The following CCDC25 variants were observed in gnomAD, a reference collection of about 807,000 sequenced individuals.
The protein encoded by CCDC25 is coiled-coil domain containing 25.
In CCDC25, 16 loss-of-function variants were observed where a neutral mutation model predicts 35.3. The ratio of observed to expected loss-of-function variants is 0.45; its 90% CI spans 0.31 to 0.69. The LOEUF (loss-of-function observed/expected upper bound fraction) is 0.69. Among genes scored for constraint, CCDC25 ranks in the 30% least tolerant of loss-of-function variants. The pLI is 0.06. For synonymous variants in CCDC25, 79 were observed against 80.3 expected (o/e 0.98, Z 0.09); for missense variants, 179 against 250.7 (o/e 0.71, Z 1.93).
At chr8:27,745,072 T>C (rs747697138) in intron 7 of CCDC25, among the ~76,000 whole-genome samples, 2 of 152,152 alleles carry the variant, frequency 1.3e-5, no homozygotes, top group African/African-American at 2.4e-5. Context: ...GTGAGCTCAC[T>C]GCAGCCTCAG....
chr8:27,766,961 A>T (rs1804422529), intron 1 of CCDC25, among the ~76,000 whole-genome samples: 1 of 152,218 alleles, frequency 6.6e-6, no homozygotes, highest in Admixed American at 6.5e-5. Context: ...ATTTTTATAT[A>T]AGCACATACT....
At chr8:27,761,662 G>A (rs1368682042) in intron 3 of CCDC25, among the ~76,000 whole-genome samples, 1 of 152,144 alleles carries the variant, frequency 6.6e-6, no homozygotes, top group Non-Finnish European at 1.5e-5. Context: ...CAGAGTCAGT[G>A]GTGGAAGCTG....
At chr8:27,745,731 A>T (rs1803580941) in intron 7 of CCDC25, among the ~76,000 whole-genome samples, 1 of 152,268 alleles carries the variant, frequency 6.6e-6, no homozygotes, top group South Asian at 2.1e-4. Flanking sequence ...ACCGCGTTCC[A>T]TTCCCGGCAC....
At chr8:27,743,032 C>A (rs989062157) in intron 7 of CCDC25, among the ~76,000 whole-genome samples, 2 of 152,194 alleles carry the variant, frequency 1.3e-5, no homozygotes, top group Non-Finnish European at 2.9e-5. Flanking sequence ...CTTCCCCCTA[C>A]CAAACCAGTT....
chr8:27,757,772 G>C (rs1804065219), intron 3 of CCDC25, among the ~76,000 whole-genome samples: 1 of 152,154 alleles, frequency 6.6e-6, no homozygotes, highest in African/African-American at 2.4e-5. Flanking sequence ...TCCCCACCAA[G>C]TCTCATGTCG....
chr8:27,763,251 T>C (rs1232261456), intron 2 of CCDC25, among the ~76,000 whole-genome samples: 1 of 152,220 alleles, frequency 6.6e-6, no homozygotes, highest in African/African-American at 2.4e-5. Context: ...ATTATTTCCT[T>C]AAGGTATATT....
At chr8:27,750,089 C>T (rs949243269) in intron 5 of CCDC25, among the ~76,000 whole-genome samples, 8 of 152,170 alleles carry the variant, frequency 5.3e-5, no homozygotes, top group African/African-American at 1.4e-4. Context: ...TTGCTCTCCA[C>T]GACTCTAACG....
At chr8:27,761,612 T>C (rs1050285868) in intron 3 of CCDC25, among the ~76,000 whole-genome samples, 1 of 152,084 alleles carries the variant, frequency 6.6e-6, no homozygotes, top group Admixed American at 6.5e-5. Flanking sequence ...TCCCACTCCA[T>C]AGGCAGGACT....
Position 27,735,962 on chromosome 8 carries a change from C to G in CCDC25, c.*254G>C, listed in dbSNP as rs1441951676. The G allele has an allele frequency of 2.6e-6, 1 of 390,110 alleles. No individual in the cohort carries two copies. Among genetic ancestry groups the G allele is most frequent in the Admixed American group, 4.3e-5 (1 of 23,252 alleles). 24.2% of individuals were successfully genotyped at this position (390,110 alleles called of 1,614,324 possible). ...AGGGCAGCCTGCTTTCACAAGGTAC[C>G]AAGACATGTTCTGGCAAAAACATTT... On this transcript the variant is annotated 3_prime_UTR_variant, in exon 9 of 9. Transcript: ENST00000356537.
At chr8:27,760,125 AGGG>A (rs1472810634) in intron 3 of CCDC25, among the ~76,000 whole-genome samples, 1 of 152,186 alleles carries the variant, frequency 6.6e-6, no homozygotes, top group Non-Finnish European at 1.5e-5. Flanking sequence ...AGACTACTAA[AGGG>A]GGTCGAAATA....
chr8:27,764,326 A>T lies in CCDC25; in HGVS notation c.76+878T>A, dbSNP rs558954247. The T allele has an allele frequency of 4.4e-5, 9 of 205,954 alleles. No individual in the cohort carries two copies. In the South Asian group the frequency reaches 4.7e-4, roughly 11 times the overall value. The allele number at this position is 205,954 out of a possible 1,614,324, so 12.8% of individuals were successfully genotyped here. ...CTCGCTGTCTCTTAAGCTGGAATGCAGTGGCATGATCACAGCTCACTGCAG... is the reference window on the plus strand; with the variant it reads ...CTCGCTGTCTCTTAAGCTGGAATGCTGTGGCATGATCACAGCTCACTGCAG... On this transcript the variant is annotated intron_variant, in intron 2 of 8. Coordinates refer to ENST00000356537, the MANE Select transcript of CCDC25 (RefSeq NM_018246.3).
chr8:27,748,086 T>A lies in CCDC25; in HGVS notation c.542A>T (p.Asp181Val). 6.2e-7 allele frequency: 1 copy of A among 1,611,752 alleles called. No individual in the cohort carries two copies. The change falls in exon 7 of 9, where the codon GAT becomes GTT. Residue 181 changes from aspartate to valine, a missense_variant. Coordinates refer to ENST00000356537, the MANE Select transcript of CCDC25 (RefSeq NM_018246.3). ...KEEMKKKREM[D>V]ELRSYSSLMK... ...CACAGCTCCGACATACCTAAGTTCATCCATTTCCCTCTTCTTCTTCATTTC... is the reference window on the plus strand; with the variant it reads ...CACAGCTCCGACATACCTAAGTTCAACCATTTCCCTCTTCTTCTTCATTTC...
intron 7 of CCDC25, among the ~76,000 whole-genome samples, chr8:27,746,829 C>T (rs1563446576): frequency 6.6e-6 from 1 of 152,136 alleles, no homozygotes; most frequent in Non-Finnish European, 1.5e-5. Context: ...CAACCAGAAA[C>T]ACGTGCATGC....
At chr8:27,754,145 A>G (rs981375878) in intron 4 of CCDC25, among the ~76,000 whole-genome samples, 3 of 152,154 alleles carry the variant, frequency 2.0e-5, no homozygotes, top group Non-Finnish European at 2.9e-5. Flanking sequence ...AATGAAAAAC[A>G]AAAAACAAAA....
chr8:27,753,212 C>T (rs1337387951), intron 4 of CCDC25, among the ~76,000 whole-genome samples: 1 of 152,046 alleles, frequency 6.6e-6, no homozygotes, highest in Non-Finnish European at 1.5e-5. Context: ...AGAAACAGGC[C>T]AGTTAAGTAA....
At chr8:27,740,581 G>T (rs1803403265) in intron 7 of CCDC25, 64 bp from the exon 8 acceptor site, 2 of 1,439,294 alleles carry the variant, frequency 1.4e-6, no homozygotes, top group South Asian at 1.2e-5. Context: ...AATATTTGAT[G>T]AACATTTCCT....
chr8:27,758,484 C>T (rs1479204465), intron 3 of CCDC25, among the ~76,000 whole-genome samples: 1 of 152,174 alleles, frequency 6.6e-6, no homozygotes, highest in Admixed American at 6.5e-5. Flanking sequence ...TACATTTCTC[C>T]AAGTGGTTCA....
chr8:27,763,518 G>A (rs895203517), intron 2 of CCDC25, among the ~76,000 whole-genome samples: 2 of 152,214 alleles, frequency 1.3e-5, no homozygotes, highest in Admixed American at 6.5e-5. Flanking sequence ...AGGAGTTTGA[G>A]ACCAGCTTGG....
chr8:27,753,631 T>C (rs1194123662), intron 4 of CCDC25, among the ~76,000 whole-genome samples: 1 of 152,222 alleles, frequency 6.6e-6, no homozygotes, highest in South Asian at 2.1e-4. Flanking sequence ...TTGGTGGTAA[T>C]GAGAACTTGG....
Sources: allele counts gnomAD v4.1 joint callset (sites outside exome capture counted in the v4.1 genomes callset), GRCh38; gene constraint gnomAD v4.1.1; transcripts MANE v1.5; gene names NCBI Gene and HGNC (gene_info 2026-07-23, HGNC 2026-07-21).